The following STK3 variants were observed in gnomAD, a reference collection of about 807,000 sequenced individuals.
STK3 encodes the protein serine/threonine-protein kinase 3.
A neutral mutation model predicts 58.0 loss-of-function variants in STK3; 41 were observed. The observed-to-expected ratio is 0.71, with a 90% confidence interval of 0.55 to 0.92. The LOEUF (loss-of-function observed/expected upper bound fraction) is 0.92. STK3 is among the 40% of genes least tolerant of loss of function. The pLI, the probability that STK3 is intolerant of heterozygous loss-of-function variation, is 0.00. For synonymous variants in STK3, 170 were observed against 191.0 expected (o/e 0.89, Z 0.91); for missense variants, 479 against 602.7 (o/e 0.79, Z 2.15).
intron 9 of STK3, among the ~76,000 whole-genome samples, chr8:98,541,536 T>C (rs1810278632): frequency 6.6e-6 from 1 of 152,162 alleles, no homozygotes. Context: ...TCTCACATAG[T>C]TCTTTATAGC....
At chr8:98,877,901 T>C (rs1011936433) in intron 3 of STK3, among the ~76,000 whole-genome samples, 1 of 152,128 alleles carries the variant, frequency 6.6e-6, no homozygotes, top group Non-Finnish European at 1.5e-5. Flanking sequence ...AAAAGAATTA[T>C]AGAGATTGAG....
intron 3 of STK3, among the ~76,000 whole-genome samples, chr8:98,856,155 C>CAAA (rs60632558): frequency 2.2e-4 from 12 of 54,010 alleles, no homozygotes; most frequent in South Asian, 7.9e-4. Context: ...GACTCCATCT[C>CAAA]AAAAAAAAAA....
chr8:98,932,701 C>T (rs1840043028), intron 1 of STK3, among the ~76,000 whole-genome samples: 1 of 152,202 alleles, frequency 6.6e-6, no homozygotes, highest in African/African-American at 2.4e-5. Flanking sequence ...AGGTCTGCTG[C>T]ATTACTAAAC....
At chr8:98,745,458 C>A (rs1829578406) in intron 4 of STK3, among the ~76,000 whole-genome samples, 1 of 152,038 alleles carries the variant, frequency 6.6e-6, no homozygotes, top group South Asian at 2.1e-4. Flanking sequence ...ATAATTCAGA[C>A]CACTCTCCTG....
chr8:98,492,917 T>A (rs926160913), intron 10 of STK3, among the ~76,000 whole-genome samples: 19 of 152,000 alleles, frequency 1.3e-4, no homozygotes, highest in African/African-American at 4.1e-4. Flanking sequence ...TTCCTGCCAT[T>A]AGCTCTTTCA....
At chr8:98,716,033 CAA>C (rs531174646) in intron 4 of STK3, among the ~76,000 whole-genome samples, 8 of 148,334 alleles carry the variant, frequency 5.4e-5, no homozygotes, top group South Asian at 2.1e-4. Flanking sequence ...ATTGCAAGGA[CAA>C]AAAAAAACAA....
At chr8:98,784,802 C>G (rs1224581498) in intron 1 of STK3, among the ~76,000 whole-genome samples, 1 of 151,956 alleles carries the variant, frequency 6.6e-6, no homozygotes, top group Non-Finnish European at 1.5e-5. Flanking sequence ...TTGAGTTGCC[C>G]CACTTTTCCT....
At chr8:98,658,843 A>T (rs540962172) in intron 6 of STK3, among the ~76,000 whole-genome samples, 2 of 152,208 alleles carry the variant, frequency 1.3e-5, no homozygotes, top group East Asian at 3.9e-4. Flanking sequence ...TCACAGAGTT[A>T]AAAAATGGGT....
chr8:98,494,990 A>G (rs528107788), intron 10 of STK3, among the ~76,000 whole-genome samples: 1 of 152,364 alleles, frequency 6.6e-6, no homozygotes, highest in East Asian at 1.9e-4. Context: ...CCAGCTTTCT[A>G]AAAGCTGCAC....
At chr8:98,354,898 C>T in the STK3 span, among the ~76,000 whole-genome samples, 1 of 152,214 alleles carries the variant, frequency 6.6e-6, no homozygotes, top group African/African-American at 2.4e-5. Context: ...CTGCCTCAGC[C>T]TCCCGAGTAG....
chr8:98,450,331 AGTTT>A (rs1819143867), downstream of STK3, among the ~76,000 whole-genome samples: 2 of 152,328 alleles, frequency 1.3e-5, no homozygotes, highest in African/African-American at 2.4e-5. Context: ...AAGAGTTAAA[AGTTT>A]GTTTTTTAAT....
chr8:98,532,206 G>A (rs989685711), intron 9 of STK3, among the ~76,000 whole-genome samples: 7 of 152,168 alleles, frequency 4.6e-5, no homozygotes, highest in Non-Finnish European at 1.0e-4. Flanking sequence ...TTGATTTAAA[G>A]TGAGAGATGT....
chr8:98,358,430 C>T, the STK3 span, among the ~76,000 whole-genome samples: 2 of 152,160 alleles, frequency 1.3e-5, no homozygotes, highest in African/African-American at 4.8e-5. Context: ...TGTGCTTTAT[C>T]CTGAGGGCAA....
chr8:98,372,548 T>C (rs911495303), intron 2 of STK3, among the ~76,000 whole-genome samples: 8 of 152,164 alleles, frequency 5.3e-5, no homozygotes, highest in African/African-American at 1.4e-4. Context: ...TTTGTTTTTT[T>C]TTTTCCCCTT....
chr8:98,428,645 C>A lies in STK3; in HGVS notation n.483+5482G>T. Reference sequence around the variant, plus strand: ...TCCCTGACAGCCAGGGCAACCCTGGCGAGGACCCTAGGTTCGAAATCGTGG... The same window carrying A: ...TCCCTGACAGCCAGGGCAACCCTGGAGAGGACCCTAGGTTCGAAATCGTGG... On this transcript the variant is annotated intron_variant and non_coding_transcript_variant, in intron 3 of 3. Coordinates refer to the STK3 transcript ENST00000517832. This position sits in a 1 kb window ranked among gnomAD's most constrained non-coding sequence, Gnocchi z 6.7. 1 of 1,614,192 alleles carries A rather than the reference C, an allele frequency of 6.2e-7. No homozygotes were observed. Among genetic ancestry groups the A allele is most frequent in the Non-Finnish European group, 8.5e-7 (1 of 1,180,032 alleles).
downstream of STK3, chr8:98,881,623 A>T (rs1290598954): frequency 1.3e-5 from 2 of 152,198 alleles, no homozygotes; most frequent in Admixed American, 1.3e-4. Context: ...GGAGGGGGAG[A>T]AACAAGAAGA....
At chr8:98,472,186 A>G (rs896270775) in intron 10 of STK3, among the ~76,000 whole-genome samples, 2 of 152,220 alleles carry the variant, frequency 1.3e-5, no homozygotes, top group Non-Finnish European at 2.9e-5. Context: ...ATCCAAGGGA[A>G]CTGAATTTTG....
chr8:98,807,260 T>A (rs1024950958), intron 1 of STK3, among the ~76,000 whole-genome samples: 1 of 151,984 alleles, frequency 6.6e-6, no homozygotes, highest in Non-Finnish European at 1.5e-5. Context: ...TTTTGGGGGT[T>A]TCTGTTTTGT....
chr8:98,567,832 C>G (rs1812617746), intron 8 of STK3, among the ~76,000 whole-genome samples: 1 of 152,042 alleles, frequency 6.6e-6, no homozygotes, highest in Non-Finnish European at 1.5e-5. Flanking sequence ...CCGAGACGGG[C>G]AAATCACTTG....
Sources: allele counts gnomAD v4.1 joint callset (sites outside exome capture counted in the v4.1 genomes callset), GRCh38; gene constraint gnomAD v4.1.1; non-coding constraint Gnocchi (gnomAD v3.1); transcripts MANE v1.5; gene names NCBI Gene and HGNC (gene_info 2026-07-23, HGNC 2026-07-21).